The following ENAH variants were observed in gnomAD, a reference collection of about 807,000 sequenced individuals.
ENAH encodes the protein protein enabled homolog.
ENAH carries 23 observed loss-of-function variants against 78.7 expected under a neutral mutation model. The ratio of observed to expected loss-of-function variants is 0.29; its 90% CI spans 0.21 to 0.41. The LOEUF (loss-of-function observed/expected upper bound fraction) is 0.41. ENAH is among the 10% of genes least tolerant of loss of function. ENAH has a pLI of 1.00. For synonymous variants in ENAH, 226 were observed against 241.0 expected, an observed-to-expected ratio of 0.94 and a Z score of 0.58; for missense variants, 544 against 691.0, an observed-to-expected ratio of 0.79 and a Z score of 2.39.
chr1:225,637,535 T>C (rs931809323), intron 1 of ENAH, among the ~76,000 whole-genome samples: 1 of 152,044 alleles, frequency 6.6e-6, no homozygotes, highest in African/African-American at 2.4e-5. Context: ...TTAGACAGGA[T>C]GGCTGACCAC....
At chr1:225,519,771 C>T (rs1387104257) in intron 4 of ENAH, among the ~76,000 whole-genome samples, 1 of 152,152 alleles carries the variant, frequency 6.6e-6, no homozygotes, top group Non-Finnish European at 1.5e-5. Context: ...ATCATATTGG[C>T]TGAATGCTTC....
chr1:225,569,141 T>C (rs914147530), intron 1 of ENAH, among the ~76,000 whole-genome samples: 3 of 152,214 alleles, frequency 2.0e-5, no homozygotes, highest in Non-Finnish European at 4.4e-5. Flanking sequence ...AAAGATTACA[T>C]GAAACAAGCC....
At chr1:225,597,891 C>G (rs1014878094) in intron 1 of ENAH, among the ~76,000 whole-genome samples, 4 of 151,910 alleles carry the variant, frequency 2.6e-5, no homozygotes, top group African/African-American at 7.2e-5. Flanking sequence ...TATTTAAATC[C>G]TTACTTTCTA....
chr1:225,635,648 C>A (rs528641313), intron 1 of ENAH, among the ~76,000 whole-genome samples: 31 of 152,274 alleles, frequency 2.0e-4, no homozygotes, highest in Non-Finnish European at 1.6e-4. Flanking sequence ...CAGTATATCA[C>A]AATGTGACCT....
chr1:225,615,617 C>T (rs2148185356), intron 1 of ENAH, among the ~76,000 whole-genome samples: 1 of 152,076 alleles, frequency 6.6e-6, no homozygotes, highest in East Asian at 1.9e-4. Context: ...TGCCCGGCCG[C>T]CCGGCGTCTG....
chr1:225,512,374 T>C (rs889501225), intron 9 of ENAH, among the ~76,000 whole-genome samples: 1 of 152,208 alleles, frequency 6.6e-6, no homozygotes, highest in Admixed American at 6.5e-5. Flanking sequence ...AAAAAAGTAG[T>C]GAAATGTCAT....
intron 10 of ENAH, among the ~76,000 whole-genome samples, chr1:225,510,985 C>A (rs1181979831): frequency 6.6e-6 from 1 of 151,844 alleles, no homozygotes; most frequent in African/African-American, 2.4e-5. Context: ...TGCACCACTG[C>A]ACTCCAGCCT....
At chr1:225,634,621 T>C (rs947217395) in intron 1 of ENAH, among the ~76,000 whole-genome samples, 1 of 152,214 alleles carries the variant, frequency 6.6e-6, no homozygotes, top group African/African-American at 2.4e-5. Flanking sequence ...CTAAACTCTC[T>C]TTGAAAAGAC....
intron 1 of ENAH, among the ~76,000 whole-genome samples, chr1:225,596,265 C>G (rs2096901510): frequency 1.3e-5 from 2 of 152,150 alleles, no homozygotes; most frequent in South Asian, 4.1e-4. Flanking sequence ...TATTTTCCCC[C>G]CTTAGTGATA....
At chr1:225,630,544 T>C (rs1342244101) in intron 1 of ENAH, among the ~76,000 whole-genome samples, 1 of 152,220 alleles carries the variant, frequency 6.6e-6, no homozygotes. Context: ...CAGTTGATAT[T>C]TGCACAACTA....
intron 1 of ENAH, chr1:225,580,112 A>C (rs1444831239): frequency 2.0e-5 from 3 of 152,100 alleles, no homozygotes; most frequent in African/African-American, 7.2e-5. Flanking sequence ...TCAACAACAA[A>C]AAAATAGCTA....
At chr1:225,567,004 G>GA (rs1335895706) in intron 2 of ENAH, among the ~76,000 whole-genome samples, 2 of 152,154 alleles carry the variant, frequency 1.3e-5, no homozygotes, top group Non-Finnish European at 2.9e-5. Context: ...TTGAAGGCCA[G>GA]AAAATCTAAT....
intron 1 of ENAH, among the ~76,000 whole-genome samples, chr1:225,615,711 G>A (rs1302826573): frequency 6.6e-6 from 1 of 151,260 alleles, no homozygotes; most frequent in Non-Finnish European, 1.5e-5. Context: ...TCTGGGAACT[G>A]AGGAGTGTCT....
At chr1:225,616,724 A>G (rs1655774784) in intron 1 of ENAH, among the ~76,000 whole-genome samples, 1 of 152,236 alleles carries the variant, frequency 6.6e-6, no homozygotes, top group Non-Finnish European at 1.5e-5. Context: ...TGGTAATTCC[A>G]GACTCCAATA....
intron 1 of ENAH, among the ~76,000 whole-genome samples, chr1:225,625,220 ATAAAG>A (rs913677135): frequency 2.6e-5 from 4 of 152,360 alleles, no homozygotes; most frequent in Admixed American, 6.5e-5. Flanking sequence ...TTAAAACAAG[ATAAAG>A]TAAATATGAA....
chr1:225,624,881 A>G (rs959983867), intron 1 of ENAH, among the ~76,000 whole-genome samples: 4 of 152,142 alleles, frequency 2.6e-5, no homozygotes, highest in Non-Finnish European at 4.4e-5. Context: ...ACAATCTTAC[A>G]TGGTTTCTAC....
rs1354043045 is a variant in ENAH, at chr1:225,492,941, G to A, written c.*4834C>T. ...GTTAATTCTTTAGCAGTTGTCAAAT[G>A]TGTCTCCTCACCAAAAGATTTTACT... On this transcript the variant is annotated 3_prime_UTR_variant, in exon 14 of 14. Transcript: ENST00000366843. 1 of 152,114 alleles carries A rather than the reference G, an allele frequency of 6.6e-6. No individual in the cohort carries two copies. The highest frequency in any genetic ancestry group is 2.4e-5 in the African/African-American group (1 of 41,412). The allele number at this position is 152,114 out of a possible 1,614,324, so 9.4% of individuals were successfully genotyped here. A position where few individuals can be genotyped will look rare whatever the true frequency, so the allele number is the denominator to read the frequency against.
chr1:225,642,291 GT>G (rs1225964835), intron 1 of ENAH, among the ~76,000 whole-genome samples: 1 of 151,688 alleles, frequency 6.6e-6, no homozygotes, highest in African/African-American at 2.4e-5. Context: ...ATCTGTCCTT[GT>G]GTAATCACCT....
intron 1 of ENAH, among the ~76,000 whole-genome samples, chr1:225,624,418 G>GT (rs1657560755): frequency 6.6e-6 from 1 of 152,162 alleles, no homozygotes; most frequent in Admixed American, 6.5e-5. Context: ...GAGGTCAGAA[G>GT]TTTGAGACCA....
Sources: allele counts gnomAD v4.1 joint callset (sites outside exome capture counted in the v4.1 genomes callset), GRCh38; gene constraint gnomAD v4.1.1; transcripts MANE v1.5; gene names NCBI Gene and HGNC (gene_info 2026-07-23, HGNC 2026-07-21).